Variants in CCR3 observed in about 807,000 individuals in gnomAD.
The protein encoded by CCR3 is C-C chemokine receptor type 3.
For missense variants in CCR3, 419 were observed against 437.5 expected (o/e 0.96, Z 0.38); for synonymous variants, 203 against 179.2 (o/e 1.13, Z -1.06).
At chr3:46,248,355 T>G (rs1700239134) in intron 1 of CCR3, among the ~76,000 whole-genome samples, 1 of 152,188 alleles carries the variant, frequency 6.6e-6, no homozygotes, top group Non-Finnish European at 1.5e-5. Context: ...GTTTGTGATT[T>G]TTAGGGCCTC....
At chr3:46,252,627 G>A (rs867720238) in intron 1 of CCR3, among the ~76,000 whole-genome samples, 13 of 152,278 alleles carry the variant, frequency 8.5e-5, no homozygotes, top group Non-Finnish European at 1.3e-4. Flanking sequence ...AGTGGGAGGG[G>A]ATCAGCTTAA....
chr3:46,213,005 CAAAAAA>C (rs1699735093), intron 2 of CCR3, among the ~76,000 whole-genome samples: 1 of 151,840 alleles, frequency 6.6e-6, no homozygotes, highest in African/African-American at 2.4e-5. Context: ...CAAAATAGCT[CAAAAAA>C]GAAAAAGAAA....
intron 2 of CCR3, among the ~76,000 whole-genome samples, chr3:46,211,651 C>T (rs2125921884): frequency 6.6e-6 from 1 of 152,310 alleles, no homozygotes; most frequent in African/African-American, 2.4e-5. Context: ...TTGCCTACCC[C>T]TGGCGCCTTA....
upstream of CCR3, among the ~76,000 whole-genome samples, chr3:46,241,443 C>T (rs1203809292): frequency 3.3e-5 from 5 of 152,226 alleles, no homozygotes; most frequent in Non-Finnish European, 7.3e-5. Flanking sequence ...ACAGCAGGCA[C>T]ATGGCTCTGC....
intron 1 of CCR3, among the ~76,000 whole-genome samples, chr3:46,257,701 A>G (rs1156263915): frequency 6.6e-6 from 1 of 152,160 alleles, no homozygotes; most frequent in African/African-American, 2.4e-5. Flanking sequence ...GACAGAACCA[A>G]TAGGATATGT....
chr3:46,254,339 G>A (rs1420309518), intron 1 of CCR3, among the ~76,000 whole-genome samples: 1 of 152,198 alleles, frequency 6.6e-6, no homozygotes, highest in Non-Finnish European at 1.5e-5. Flanking sequence ...ATTTAAAGTT[G>A]CAGAAGTTTA....
chr3:46,234,675 C>T (rs1265339270), intron 2 of CCR3, among the ~76,000 whole-genome samples: 1 of 152,220 alleles, frequency 6.6e-6, no homozygotes, highest in African/African-American at 2.4e-5. Flanking sequence ...AGTAGAGTCA[C>T]TCCCATGAAG....
chr3:46,213,542 C>T (rs1312786063), intron 2 of CCR3, among the ~76,000 whole-genome samples: 2 of 152,292 alleles, frequency 1.3e-5, no homozygotes, highest in South Asian at 2.1e-4. Flanking sequence ...GAGTTTGAGT[C>T]CGTAAATTAT....
intron 1 of CCR3, among the ~76,000 whole-genome samples, chr3:46,243,235 G>A (rs911097780): frequency 6.6e-6 from 1 of 151,918 alleles, no homozygotes; most frequent in African/African-American, 2.4e-5. Context: ...TTCATGTGGA[G>A]TCAACATAGC....
chr3:46,259,379 G>T (rs34079287), intron 1 of CCR3, among the ~76,000 whole-genome samples: 8,759 of 152,146 alleles, frequency 0.058, 387 homozygotes, highest in South Asian at 0.19. Flanking sequence ...AGTTGAAGAA[G>T]AAATTTGGTT....
At chr3:46,250,204 T>C (rs1046240566) in intron 1 of CCR3, among the ~76,000 whole-genome samples, 1 of 152,010 alleles carries the variant, frequency 6.6e-6, no homozygotes, top group Non-Finnish European at 1.5e-5. Context: ...AGTAAATTGC[T>C]GGGCAGGTGG....
At chr3:46,244,057 A>C (rs1700146510) in intron 1 of CCR3, among the ~76,000 whole-genome samples, 1 of 152,264 alleles carries the variant, frequency 6.6e-6, no homozygotes, top group Non-Finnish European at 1.5e-5. Context: ...TTCTGGAAGC[A>C]ATTTGACAAA....
chr3:46,233,607 A>G (rs1261766505), intron 2 of CCR3, among the ~76,000 whole-genome samples: 1 of 152,038 alleles, frequency 6.6e-6, no homozygotes, highest in East Asian at 1.9e-4. Context: ...ATTGGAAGAC[A>G]TTTGTGTTTG....
intron 1 of CCR3, among the ~76,000 whole-genome samples, chr3:46,250,938 A>C (rs995480371): frequency 1.3e-5 from 2 of 151,780 alleles, no homozygotes; most frequent in East Asian, 3.9e-4. Context: ...GGTCAGGGTG[A>C]GGAAATAAGG....
upstream of CCR3, among the ~76,000 whole-genome samples, chr3:46,238,080 C>G (rs1700041206): frequency 6.6e-6 from 1 of 152,188 alleles, no homozygotes; most frequent in African/African-American, 2.4e-5. Context: ...CTCCAATGTT[C>G]TGACAGATTG....
chr3:46,265,229 G>A lies in CCR3; in HGVS notation c.71G>A (p.Cys24Tyr), dbSNP rs1700595930. 1.9e-6 allele frequency: 3 copies of A among 1,613,936 alleles called. No individual in the cohort carries two copies. The South Asian group carries it at 3.3e-5, about 18-fold the overall frequency. Reference protein sequence around the residue: ...TSYYDDVGLLCEKADTRALMA... With the variant: ...TSYYDDVGLLYEKADTRALMA... ...TACTATGATGACGTGGGCCTGCTCT[G>A]TGAAAAAGCTGATACCAGAGCACTG... Residue 24 changes from cysteine (C) to tyrosine (Y), a missense_variant, in exon 2 of 2, where the codon TGT becomes TAT. Cys to Tyr is a radical substitution (Grantham distance 194, BLOSUM62 -2). Transcript: ENST00000395940.
intron 2 of CCR3, among the ~76,000 whole-genome samples, chr3:46,234,887 G>C (rs1228816012): frequency 2.0e-5 from 3 of 152,214 alleles, no homozygotes; most frequent in African/African-American, 7.2e-5. Context: ...GCTACAGTGA[G>C]TGGTGAGGAT....
intron 1 of CCR3, among the ~76,000 whole-genome samples, chr3:46,257,788 A>T (rs1307947075): frequency 1.3e-5 from 2 of 152,146 alleles, no homozygotes; most frequent in African/African-American, 4.8e-5. Context: ...ACAACAGACC[A>T]TCTACAAGCT....
At chr3:46,253,981 A>G (rs900651119) in intron 1 of CCR3, among the ~76,000 whole-genome samples, 7 of 151,822 alleles carry the variant, frequency 4.6e-5, no homozygotes, top group Non-Finnish European at 8.8e-5. Context: ...AGAATGAGAC[A>G]GTTCTACAAG....
Sources: allele counts gnomAD v4.1 joint callset (sites outside exome capture counted in the v4.1 genomes callset), GRCh38; gene constraint gnomAD v4.1.1; transcripts MANE v1.5; gene names NCBI Gene and HGNC (gene_info 2026-07-23, HGNC 2026-07-21).